The following RYR2 variants were observed in gnomAD, a reference collection of about 807,000 sequenced individuals.
RYR2 encodes the protein ryanodine receptor 2, also known as cardiac muscle ryanodine receptor-calcium release channel.
A neutral mutation model predicts 601.1 loss-of-function variants in RYR2; 227 were observed. The ratio of observed to expected loss-of-function variants is 0.38; its 90% CI spans 0.34 to 0.42. The LOEUF (loss-of-function observed/expected upper bound fraction) is 0.42. Among genes scored for constraint, RYR2 ranks in the 10% least tolerant of loss-of-function variants. The pLI is 1.00. For missense variants in RYR2, 4,646 were observed against 6,156.5 expected (o/e 0.75, Z 8.21); for synonymous variants, 2,223 against 2,175.1 (o/e 1.02, Z -0.61).
intron 1 of RYR2, among the ~76,000 whole-genome samples, chr1:237,132,148 T>C (rs1672236605): frequency 6.6e-6 from 1 of 152,248 alleles, no homozygotes; most frequent in Admixed American, 6.5e-5. Flanking sequence ...ATTGTGGCCT[T>C]TGCCTTGCTC....
chr1:237,107,324 A>C (rs906872417), intron 1 of RYR2, among the ~76,000 whole-genome samples: 1 of 151,482 alleles, frequency 6.6e-6, no homozygotes, highest in African/African-American at 2.4e-5. Context: ...GATCGAGACC[A>C]TCCTGGCTAA....
intron 5 of RYR2, among the ~76,000 whole-genome samples, chr1:237,365,391 G>T (rs1012830684): frequency 6.6e-6 from 1 of 152,210 alleles, no homozygotes; most frequent in African/African-American, 2.4e-5. Context: ...ACCTGGACCT[G>T]TTCACTACCA....
Position 237,639,197 on chromosome 1 carries a change from A to C in RYR2, c.7111A>C (p.Thr2371Pro). 1 of 1,611,930 alleles carries C rather than the reference A, an allele frequency of 6.2e-7. No individual in the cohort carries two copies. Among genetic ancestry groups the C allele is most frequent in the South Asian group, 1.1e-5 (1 of 90,900 alleles). Residue 2371 changes from threonine (T) to proline (P), a missense_variant, in exon 46 of 105, where the codon ACA becomes CCA. Around this residue, in one of 17 missense-constraint regions of RYR2, gnomAD observed 1,497 missense variants for 1,842.6 expected, o/e 0.81. Transcript: ENST00000366574. ...CTCACCAAATAGCGGATCCAGTAAA[A>C]CACTGTAGGTCTAATATACACACCC... ...GPSPNSGSSKTLDTEEEEDDT... is the reference protein window; with the variant it reads ...GPSPNSGSSKPLDTEEEEDDT...
intron 38 of RYR2, among the ~76,000 whole-genome samples, chr1:237,621,646 G>T: frequency 6.6e-6 from 1 of 152,098 alleles, no homozygotes; most frequent in Non-Finnish European, 1.5e-5. Flanking sequence ...AAGTAGATGA[G>T]CTGATGAATA....
At chr1:237,169,525 C>T (rs969005211) in intron 1 of RYR2, among the ~76,000 whole-genome samples, 9 of 65,048 alleles carry the variant, frequency 1.4e-4, no homozygotes, top group African/African-American at 3.0e-4. Flanking sequence ...GTCTCGAACT[C>T]CTGACCTCGT....
intron 10 of RYR2, among the ~76,000 whole-genome samples, chr1:237,391,974 A>AT (rs1430650607): frequency 6.6e-6 from 1 of 152,016 alleles, no homozygotes; most frequent in Admixed American, 6.6e-5. Flanking sequence ...GTTACTTGAG[A>AT]TTTTTTTCCG....
At chr1:237,270,689 T>G in intron 2 of RYR2, 73 bp downstream of exon 2, 1 of 1,453,942 alleles carries the variant, frequency 6.9e-7, no homozygotes, top group Non-Finnish European at 9.4e-7. Flanking sequence ...TTATGAGCTC[T>G]CTACTATTTT....
At chr1:237,538,281 G>A (rs1020031924) in intron 25 of RYR2, among the ~76,000 whole-genome samples, 3 of 150,362 alleles carry the variant, frequency 2.0e-5, no homozygotes, top group East Asian at 4.0e-4. Flanking sequence ...TGTAATCCCA[G>A]CCACTCGGGA....
Position 237,627,872 on chromosome 1 carries a change from C to T in RYR2, c.6232C>T (p.Pro2078Ser), listed in dbSNP as rs780993255. ...GGCTCAGGAGTCTGTCATTGAAGAC[C>T]CCGAGCTGGTGAGGGCCATGTTTGT... ...RWAQESVIED[P>S]ELVRAMFVLL... The change falls in exon 41 of 105, where the codon CCC (proline) becomes TCC (serine). Residue 2078 changes from proline (P) to serine (S), a missense_variant. Coordinates refer to ENST00000366574, the MANE Select transcript of RYR2 (RefSeq NM_001035.3). The T allele has an allele frequency of 1.4e-5, 22 of 1,613,466 alleles. No homozygotes were observed. The Middle Eastern group carries it at 4.9e-4, about 36-fold the overall frequency.
chr1:237,074,195 G>A (rs894777799), intron 1 of RYR2, among the ~76,000 whole-genome samples: 10 of 151,876 alleles, frequency 6.6e-5, no homozygotes, highest in African/African-American at 2.2e-4. Flanking sequence ...GAACGTGCCT[G>A]TATCCCAGCT....
At chr1:237,712,683 C>T (rs1688945494) in intron 71 of RYR2, among the ~76,000 whole-genome samples, 1 of 152,150 alleles carries the variant, frequency 6.6e-6, no homozygotes, top group Admixed American at 6.6e-5. Context: ...AATAAATTCG[C>T]TGCATTATTT....
At chr1:237,348,232 C>T (rs916166504) in intron 3 of RYR2, among the ~76,000 whole-genome samples, 7 of 152,198 alleles carry the variant, frequency 4.6e-5, no homozygotes, top group African/African-American at 1.4e-4. Flanking sequence ...GCAATCCTCT[C>T]TCAAGTAGCT....
chr1:237,368,362 G>T (rs937559955), intron 5 of RYR2, among the ~76,000 whole-genome samples: 2 of 152,016 alleles, frequency 1.3e-5, no homozygotes, highest in African/African-American at 4.8e-5. Context: ...GCTTTATAAG[G>T]CAGGGAAGAC....
At chr1:237,165,825 A>C (rs1020500243) in intron 1 of RYR2, among the ~76,000 whole-genome samples, 15 of 151,792 alleles carry the variant, frequency 9.9e-5, no homozygotes, top group African/African-American at 2.4e-4. Flanking sequence ...ATATAGTGAG[A>C]CCTCATCTCT....
At chr1:237,082,556 TAAAATCGG>T (rs1665855814) in intron 1 of RYR2, among the ~76,000 whole-genome samples, 1 of 112,752 alleles carries the variant, frequency 8.9e-6, no homozygotes. Context: ...TATATATATA[TAAAATCGG>T]ATATAAAATC....
rs1008531580 is a variant in RYR2 at position 237,640,843 on chromosome 1, T to G, written c.7116-54T>G. On this transcript the variant is annotated intron_variant, in intron 46 of 104. Transcript: ENST00000366574. The stretch of plus-strand genomic sequence containing the variant: ...TCCTCGGAGAGATATGTAATAAACA[T>G]GAAATGTCAGTTATCCCATTTGCTT... The G allele has an allele frequency of 9.3e-5, 129 of 1,393,106 alleles. 1 individual carries two copies. The highest frequency in any genetic ancestry group is 6.4e-4 in the South Asian group (53 of 82,264). The allele number at this position is 1,393,106 out of a possible 1,614,324, so 86.3% of individuals were successfully genotyped here.
chr1:237,535,642 G>A (rs1246329333), intron 25 of RYR2, among the ~76,000 whole-genome samples: 5 of 152,032 alleles, frequency 3.3e-5, no homozygotes, highest in Non-Finnish European at 7.4e-5. Flanking sequence ...AGACAGTATG[G>A]AAAAGGGAAG....
In RYR2 at chr1:237,436,491, T is replaced by G. The variant is rs536224616; in HGVS notation, c.1006-4828T>G. The stretch of plus-strand genomic sequence containing the variant: ...TTTTTTTTTTTTTGCATTTCTGTCC[T>G]GGAAGGGCTAACTAAGCCTGGCCTG... On this transcript the variant is annotated intron_variant, in intron 12 of 104. Coordinates refer to ENST00000366574, the MANE Select transcript of RYR2 (RefSeq NM_001035.3). 1.2e-3 allele frequency among the ~76,000 whole-genome samples: 178 copies of G among 143,266 alleles called. 2 individuals are homozygous for G. Among genetic ancestry groups the G allele is most frequent in the African/African-American group, 4.1e-3 (154 of 38,012 alleles). The allele number at this position is 143,266 out of a possible 152,430, so 94.0% of individuals were successfully genotyped here. A position where few individuals can be genotyped will look rare whatever the true frequency, so the allele number is the denominator to read the frequency against.
chr1:237,820,744 C>T (rs1662399638), intron 101 of RYR2, among the ~76,000 whole-genome samples: 2 of 152,196 alleles, frequency 1.3e-5, no homozygotes, highest in Admixed American at 6.5e-5. Flanking sequence ...GTCCCACCCC[C>T]ACGGAGCCCA....
Sources: gnomAD v4.1 joint callset for allele counts (sites outside exome capture counted in the v4.1 genomes callset) on GRCh38, gnomAD v4.1.1 for gene constraint, gnomAD v4.1.1 regional missense constraint, MANE v1.5 for transcripts, NCBI Gene and HGNC (gene_info 2026-07-23, HGNC 2026-07-21) for gene names.